ARK2N: variants seen among roughly 807,000 people sequenced by gnomAD.
The protein encoded by ARK2N is protein ARK2N.
At chr18:46,178,862 G>A in the ARK2N span, among the ~76,000 whole-genome samples, 1 of 151,582 alleles carries the variant, frequency 6.6e-6, no homozygotes, top group African/African-American at 2.4e-5. Context: ...TGCAGTGAGT[G>A]GTGATCATGC....
chr18:46,262,460 G>A, the ARK2N span, among the ~76,000 whole-genome samples: 4 of 152,158 alleles, frequency 2.6e-5, no homozygotes, highest in Admixed American at 2.6e-4. Context: ...CTGTGAAAGG[G>A]TATTACTGTC....
chr18:46,193,268 G>C, the ARK2N span, among the ~76,000 whole-genome samples: 3 of 152,092 alleles, frequency 2.0e-5, no homozygotes, highest in Non-Finnish European at 4.4e-5. Context: ...TATTGGTTCT[G>C]TGAGTTCATG....
At chr18:46,196,979 C>T in the ARK2N span, among the ~76,000 whole-genome samples, 4 of 152,148 alleles carry the variant, frequency 2.6e-5, no homozygotes, top group Admixed American at 1.3e-4. Context: ...GAGAGCAAAG[C>T]ATGTCAGGTG....
At chr18:46,248,891 C>T in the ARK2N span, among the ~76,000 whole-genome samples, 2 of 151,928 alleles carry the variant, frequency 1.3e-5, no homozygotes, top group African/African-American at 4.8e-5. Flanking sequence ...CCTCTATACT[C>T]TTACGCAGCT....
the ARK2N span, among the ~76,000 whole-genome samples, chr18:46,183,709 A>C: frequency 6.6e-6 from 1 of 151,518 alleles, no homozygotes; most frequent in Admixed American, 6.6e-5. Flanking sequence ...TTTTTATTTT[A>C]GTCCTAATCT....
the ARK2N span, among the ~76,000 whole-genome samples, chr18:46,187,818 A>G: frequency 1.3e-5 from 2 of 152,180 alleles, no homozygotes; most frequent in South Asian, 4.1e-4. Flanking sequence ...TAAACATAAC[A>G]TGGTTTAATA....
the ARK2N span, among the ~76,000 whole-genome samples, chr18:46,240,958 G>C: frequency 1.3e-5 from 2 of 152,238 alleles, no homozygotes; most frequent in African/African-American, 4.8e-5. Context: ...AGGGGATTGA[G>C]AGACTGCTTA....
the ARK2N span, among the ~76,000 whole-genome samples, chr18:46,204,818 A>G: frequency 6.6e-6 from 1 of 152,302 alleles, no homozygotes; most frequent in African/African-American, 2.4e-5. Flanking sequence ...GGCCTGTGGC[A>G]ACAAAAAACT....
At chr18:46,180,300 T>G in the ARK2N span, among the ~76,000 whole-genome samples, 2 of 152,202 alleles carry the variant, frequency 1.3e-5, no homozygotes, top group African/African-American at 4.8e-5. Context: ...ACAATTAATC[T>G]AAAGTGGAAA....
chr18:46,200,531 C>T, the ARK2N span, among the ~76,000 whole-genome samples: 1 of 152,128 alleles, frequency 6.6e-6, no homozygotes, highest in Admixed American at 6.5e-5. Flanking sequence ...TGGGCTCAAA[C>T]TCCTGACCTC....
chr18:46,202,802 TA>T, the ARK2N span, among the ~76,000 whole-genome samples: 88 of 145,400 alleles, frequency 6.1e-4, no homozygotes, highest in South Asian at 6.0e-3. Flanking sequence ...AAATAAAAAT[TA>T]AAAAAAAAAA....
At chr18:46,261,219 C>G in the ARK2N span, among the ~76,000 whole-genome samples, 1 of 152,140 alleles carries the variant, frequency 6.6e-6, no homozygotes, top group African/African-American at 2.4e-5. Flanking sequence ...TTTTGCTGCA[C>G]CCGATTTAAT....
the ARK2N span, chr18:46,263,032 G>A: frequency 1.2e-6 from 2 of 1,614,170 alleles, no homozygotes; most frequent in South Asian, 2.2e-5. Flanking sequence ...ATGGACTGCT[G>A]TGACTCCCCA....
the ARK2N span, among the ~76,000 whole-genome samples, chr18:46,225,460 T>C: frequency 6.6e-6 from 1 of 151,734 alleles, no homozygotes; most frequent in African/African-American, 2.4e-5. Context: ...CTTTTGATGA[T>C]GTTGCTGTTT....
chr18:46,215,240 G>C, the ARK2N span, among the ~76,000 whole-genome samples: 1 of 152,044 alleles, frequency 6.6e-6, no homozygotes, highest in Non-Finnish European at 1.5e-5. Context: ...AATTGCTTGA[G>C]CCAGGGCAAC....
At chr18:46,244,843 C>CAG in the ARK2N span, among the ~76,000 whole-genome samples, 1 of 151,814 alleles carries the variant, frequency 6.6e-6, no homozygotes, top group African/African-American at 2.4e-5. Context: ...TCCAGTGATC[C>CAG]GCCTGTCTTG....
the ARK2N span, among the ~76,000 whole-genome samples, chr18:46,214,342 G>C: frequency 6.6e-6 from 1 of 152,110 alleles, no homozygotes. Context: ...CATGATAGTT[G>C]CTTTCTGTAA....
chr18:46,240,181 G>C, the ARK2N span: 6 of 1,614,138 alleles, frequency 3.7e-6, no homozygotes, highest in Non-Finnish European at 5.1e-6. Flanking sequence ...GCTGAATGCA[G>C]AGGCAGGTTG....
the ARK2N span, among the ~76,000 whole-genome samples, chr18:46,257,379 C>A: frequency 6.6e-6 from 1 of 152,056 alleles, no homozygotes; most frequent in Non-Finnish European, 1.5e-5. Context: ...TTCTCCTATT[C>A]TTTTATTTTA....
Sources: gnomAD v4.1 joint callset for allele counts (sites outside exome capture counted in the v4.1 genomes callset) on GRCh38, gnomAD v4.1.1 for gene constraint, MANE v1.5 for transcripts, NCBI Gene and HGNC (gene_info 2026-07-23, HGNC 2026-07-21) for gene names.